Variants in PTPRM observed in about 807,000 individuals in gnomAD.
PTPRM encodes the protein receptor-type tyrosine-protein phosphatase mu.
A neutral mutation model predicts 186.7 loss-of-function variants in PTPRM; 47 were observed. The observed-to-expected ratio is 0.25, with a 90% CI of 0.20 to 0.32. The LOEUF is 0.32. PTPRM is among the 10% of genes least tolerant of loss of function. The probability of loss-of-function intolerance (pLI) is 1.00; values close to 1 mark genes in which losing one functional copy is unlikely to be tolerated. For synonymous variants in PTPRM, 668 were observed against 674.9 expected, an observed-to-expected ratio of 0.99 and a Z score of 0.16; for missense variants, 1,494 against 1,865.0, an observed-to-expected ratio of 0.80 and a Z score of 3.66.
Position 8,336,657 on chromosome 18 carries a change from A to AAGG in PTPRM, c.2957-6751_2957-6749dup, listed in dbSNP as rs375770055. The stretch of plus-strand genomic sequence containing the variant: ...GAGGAGGAGGAAAAAGAAGGAGAAG[A>AAGG]AGGAGGAGGAGGAGGAGAGAAGGAG... On this transcript the variant is annotated intron_variant, in intron 22 of 32. Transcript: ENST00000580170. Among the ~76,000 whole-genome samples the AAGG allele has an allele frequency of 9.4e-3, 1,297 of 138,600 alleles. 25 individuals carry two copies. Among genetic ancestry groups the AAGG allele is most frequent in the African/African-American group, 0.033 (1,231 of 37,322 alleles). The allele number at this position is 138,600 out of a possible 152,430, so 90.9% of individuals were successfully genotyped here. A position where few individuals can be genotyped will look rare whatever the true frequency, so the allele number is the denominator to read the frequency against.
At position 7,839,570 on chromosome 18, in the gene PTPRM, A is replaced by T. The variant is rs74414161; in HGVS notation, c.197-48536A>T. Among the ~76,000 whole-genome samples, 261 of 152,346 alleles carry T rather than the reference A, an allele frequency of 1.7e-3. 8 individuals are homozygous for T. In the East Asian group the frequency reaches 0.041, roughly 24 times the overall value. The stretch of plus-strand genomic sequence containing the variant: ...GCTGAGCTAGTATTATAGATGTAAG[A>T]TAAAGTCCTCCCCAGACTTCCCCCA... On this transcript the variant is annotated intron_variant, in intron 2 of 32. Transcript: ENST00000580170.
Position 8,319,170 on chromosome 18 carries a change from AT to A in PTPRM, c.2920-3del, listed in dbSNP as rs766993073. On this transcript the variant is annotated splice_region_variant and splice_polypyrimidine_tract_variant and intron_variant, in intron 21 of 32. Coordinates refer to ENST00000580170, the MANE Select transcript of PTPRM (RefSeq NM_001105244.2). The stretch of plus-strand genomic sequence containing the variant: ...GTTTATCAAATATTCTCTTTTATTT[AT>A]TTTTAGGGTTATCATCGACCCAATC... The A allele has an allele frequency of 9.9e-6, 15 of 1,519,198 alleles. No homozygotes were observed. In the Admixed American group the frequency reaches 2.3e-4, roughly 23 times the overall value. 94.1% of individuals were successfully genotyped at this position (1,519,198 alleles called of 1,614,324 possible).
intron 3 of PTPRM, among the ~76,000 whole-genome samples, chr18:7,892,579 T>C (rs1191755996): frequency 2.0e-5 from 3 of 152,210 alleles, no homozygotes; most frequent in African/African-American, 7.2e-5. Context: ...CAGTAAATGA[T>C]TTGCCAAATT....
intron 22 of PTPRM, among the ~76,000 whole-genome samples, chr18:8,326,084 T>C (rs2446499): frequency 0.81 from 123,214 of 152,134 alleles, 51,232 homozygotes; most frequent in South Asian, 0.9. Flanking sequence ...AGACCTTTGT[T>C]GGATGCATAG....
rs74387698 is a variant in PTPRM at position 8,161,974 on chromosome 18, G to A, written c.2300+18195G>A. Reference sequence around the variant, plus strand: ...CCCTGTGTTCTGCACTGGGATTGCTGTTGACTCCTGTTATTTCTTGCTAAT... The same window carrying A: ...CCCTGTGTTCTGCACTGGGATTGCTATTGACTCCTGTTATTTCTTGCTAAT... On this transcript the variant is annotated intron_variant, in intron 14 of 32. Coordinates refer to ENST00000580170, the MANE Select transcript of PTPRM (RefSeq NM_001105244.2). 7.8e-3 allele frequency among the ~76,000 whole-genome samples: 1,181 copies of A among 152,290 alleles called. 10 individuals carry two copies. Among genetic ancestry groups the A allele is most frequent in the African/African-American group, 0.02 (832 of 41,560 alleles).
intron 14 of PTPRM, among the ~76,000 whole-genome samples, chr18:8,146,398 C>T (rs1453531833): frequency 3.9e-5 from 6 of 152,034 alleles, no homozygotes; most frequent in South Asian, 2.1e-4. Flanking sequence ...ATTTCTCTAA[C>T]GACCGGTGAT....
chr18:7,988,905 T>C (rs887810969), intron 7 of PTPRM, among the ~76,000 whole-genome samples: 6 of 152,300 alleles, frequency 3.9e-5, no homozygotes, highest in Admixed American at 3.3e-4. Context: ...TTCTAAGGGC[T>C]TTTGATACAA....
At chr18:8,330,138 C>T (rs1414459759) in intron 22 of PTPRM, among the ~76,000 whole-genome samples, 2 of 152,160 alleles carry the variant, frequency 1.3e-5, no homozygotes, top group Non-Finnish European at 2.9e-5. Flanking sequence ...TTCTCCACCC[C>T]TACCCCATTT....
chr18:7,914,343 A>C (rs2050432301), intron 4 of PTPRM, among the ~76,000 whole-genome samples: 1 of 152,130 alleles, frequency 6.6e-6, no homozygotes, highest in Non-Finnish European at 1.5e-5. Flanking sequence ...AAGAATGTTG[A>C]ATCTGTTTTT....
chr18:8,330,616 T>C (rs2095406824), intron 22 of PTPRM, among the ~76,000 whole-genome samples: 2 of 151,894 alleles, frequency 1.3e-5, no homozygotes, highest in Admixed American at 6.6e-5. Context: ...GCCAGATCCT[T>C]TGGGTCACCA....
chr18:7,620,108 C>T (rs770935619), intron 1 of PTPRM, among the ~76,000 whole-genome samples: 9 of 152,172 alleles, frequency 5.9e-5, no homozygotes, highest in Non-Finnish European at 8.8e-5. Context: ...ACCACTCAGG[C>T]GGTCCATGGG....
At position 8,260,673 on chromosome 18, in the gene PTPRM, C is replaced by T. The variant is rs79709851; in HGVS notation, c.2754+7259C>T. 3.2e-3 allele frequency among the ~76,000 whole-genome samples: 493 copies of T among 152,210 alleles called. 28 individuals are homozygous for T. The East Asian group carries it at 0.089, about 27-fold the overall frequency. ...GGGGACAGGCAACCCATATTCAAAC[C>T]ATAGCACCAGCATATCCTACAAAAA... On this transcript the variant is annotated intron_variant, in intron 19 of 32. Coordinates refer to ENST00000580170, the MANE Select transcript of PTPRM (RefSeq NM_001105244.2).
chr18:7,840,374 C>T (rs2046264853), intron 2 of PTPRM, among the ~76,000 whole-genome samples: 1 of 152,162 alleles, frequency 6.6e-6, no homozygotes, highest in African/African-American at 2.4e-5. Flanking sequence ...AACTAAATTA[C>T]TTATTGGAGG....
intron 1 of PTPRM, among the ~76,000 whole-genome samples, chr18:7,625,321 C>T (rs13381320): frequency 0.1 from 15,788 of 151,964 alleles, 891 homozygotes; most frequent in South Asian, 0.16. Context: ...GTAATTTTCC[C>T]GACTCTTATC....
chr18:8,004,191 A>G (rs1213962641), intron 7 of PTPRM, among the ~76,000 whole-genome samples: 1 of 152,168 alleles, frequency 6.6e-6, no homozygotes, highest in East Asian at 1.9e-4. Context: ...AATTGTTTTG[A>G]AAACCAAACT....
intron 5 of PTPRM, among the ~76,000 whole-genome samples, chr18:7,928,823 G>T (rs548338842): frequency 6.6e-6 from 1 of 152,278 alleles, no homozygotes; most frequent in South Asian, 2.1e-4. Context: ...TGGACTTGGT[G>T]TGCTCCTGCT....
Position 7,728,925 on chromosome 18 carries a change from C to CTT in PTPRM, c.74-45209_74-45208dup, listed in dbSNP as rs113386099. On this transcript the variant is annotated intron_variant, in intron 1 of 32. Coordinates refer to ENST00000580170, the MANE Select transcript of PTPRM (RefSeq NM_001105244.2). ...TTTTGAAAATTAATTTTCCTCCAAC[C>CTT]TTTTTTTTTTTTTTTTGAGATGCAG... Among the ~76,000 whole-genome samples the CTT allele has an allele frequency of 8.1e-3, 1,128 of 138,598 alleles. 21 individuals carry two copies. The highest frequency in any genetic ancestry group is 0.028 in the African/African-American group (1,048 of 37,264). 90.9% of individuals were successfully genotyped at this position (138,598 alleles called of 152,430 possible). A position where few individuals can be genotyped will look rare whatever the true frequency, so the allele number is the denominator to read the frequency against.
chr18:8,271,667 G>A (rs1238276022), intron 19 of PTPRM, among the ~76,000 whole-genome samples: 2 of 151,856 alleles, frequency 1.3e-5, no homozygotes, highest in Non-Finnish European at 2.9e-5. Flanking sequence ...TTTTTCAGTA[G>A]TTAATAGGTC....
rs141110396 is a variant in PTPRM at position 8,220,273 on chromosome 18, A to G, written c.2301-23785A>G. Reference sequence around the variant, plus strand: ...GACTTCCGAACTTTAAAGTATTTTTAGTGCTTCTGAATTTATGTCCTTCAA... The same window carrying G: ...GACTTCCGAACTTTAAAGTATTTTTGGTGCTTCTGAATTTATGTCCTTCAA... On this transcript the variant is annotated intron_variant, in intron 14 of 32. Coordinates refer to ENST00000580170, the MANE Select transcript of PTPRM (RefSeq NM_001105244.2). 7.2e-5 allele frequency among the ~76,000 whole-genome samples: 11 copies of G among 152,318 alleles called. No homozygotes were observed. In the East Asian group the frequency reaches 1.9e-3, roughly 27 times the overall value.
Sources: allele counts gnomAD v4.1 joint callset (sites outside exome capture counted in the v4.1 genomes callset), GRCh38; gene constraint gnomAD v4.1.1; transcripts MANE v1.5; gene names NCBI Gene and HGNC (gene_info 2026-07-23, HGNC 2026-07-21).